Variants in PRKG1 observed in about 807,000 individuals in gnomAD.
PRKG1 encodes the protein protein kinase cGMP-dependent 1, also known as cGMP-dependent protein kinase 1.
In PRKG1, 35 loss-of-function variants were observed where a neutral mutation model predicts 88.1. That is an observed-to-expected ratio of 0.40 (90% CI 0.30 to 0.53). The LOEUF (loss-of-function observed/expected upper bound fraction) is 0.53, where lower values mean the gene tolerates loss of function less well. Ranked by LOEUF, PRKG1 falls within the 20% of genes least tolerant of loss-of-function variation. The pLI, the probability that PRKG1 is intolerant of heterozygous loss-of-function variation, is 0.59. For synonymous variants in PRKG1, 303 were observed against 292.5 expected (o/e 1.04, Z -0.37); for missense variants, 540 against 839.8 (o/e 0.64, Z 4.41).
At chr10:51,374,839 G>A (rs1842786116) in intron 2 of PRKG1, among the ~76,000 whole-genome samples, 1 of 152,220 alleles carries the variant, frequency 6.6e-6, no homozygotes, top group Non-Finnish European at 1.5e-5. Context: ...TCACGTGAGT[G>A]TTGGCAGGAT....
At chr10:51,421,184 G>T (rs1175162757) in intron 2 of PRKG1, among the ~76,000 whole-genome samples, 2 of 152,022 alleles carry the variant, frequency 1.3e-5, no homozygotes, top group African/African-American at 4.8e-5. Context: ...TTGTTTGTTT[G>T]TTTTAGAAAC....
chr10:51,598,526 G>T (rs772492617), intron 3 of PRKG1, among the ~76,000 whole-genome samples: 3 of 152,174 alleles, frequency 2.0e-5, no homozygotes, highest in Non-Finnish European at 2.9e-5. Context: ...CTAGAGTGCT[G>T]GAATTATAGG....
chr10:51,562,970 G>A (rs1468626667), intron 3 of PRKG1, among the ~76,000 whole-genome samples: 2 of 138,518 alleles, frequency 1.4e-5, no homozygotes, highest in South Asian at 2.4e-4. Flanking sequence ...TTTAAAGACA[G>A]GGTCTCATTA....
At chr10:52,223,717 AT>A (rs1288290527) in intron 9 of PRKG1, among the ~76,000 whole-genome samples, 1 of 152,160 alleles carries the variant, frequency 6.6e-6, no homozygotes, top group African/African-American at 2.4e-5. Context: ...ACCCTAAAAT[AT>A]CAAAACTGAA....
At chr10:51,498,226 A>G in intron 3 of PRKG1, among the ~76,000 whole-genome samples, 1 of 152,216 alleles carries the variant, frequency 6.6e-6, no homozygotes, top group East Asian at 1.9e-4. Context: ...TCAAAGTCTA[A>G]TTATTTAGCA....
At chr10:51,686,904 T>G (rs1250265561) in intron 3 of PRKG1, among the ~76,000 whole-genome samples, 2 of 151,992 alleles carry the variant, frequency 1.3e-5, no homozygotes, top group Non-Finnish European at 2.9e-5. Context: ...CCCGGCTAAT[T>G]TTTTGTATTT....
chr10:51,675,716 T>C (rs1257153498), intron 3 of PRKG1, among the ~76,000 whole-genome samples: 1 of 152,218 alleles, frequency 6.6e-6, no homozygotes. Flanking sequence ...ATTTTGCTAA[T>C]TTGGATACAT....
intron 7 of PRKG1, among the ~76,000 whole-genome samples, chr10:52,068,138 G>A (rs1477726220): frequency 1.0e-5 from 1 of 99,920 alleles, no homozygotes; most frequent in Admixed American, 1.1e-4. Context: ...GGGAGGCGGA[G>A]CTTGCAGTGA....
chr10:51,754,083 T>A (rs1837796043), intron 3 of PRKG1, among the ~76,000 whole-genome samples: 1 of 152,166 alleles, frequency 6.6e-6, no homozygotes, highest in African/African-American at 2.4e-5. Flanking sequence ...TTCTGGGCTG[T>A]CATCTCTGTG....
intron 2 of PRKG1, among the ~76,000 whole-genome samples, chr10:51,262,836 A>C (rs1167762155): frequency 6.6e-6 from 1 of 152,158 alleles, no homozygotes; most frequent in Non-Finnish European, 1.5e-5. Flanking sequence ...CACAATCACT[A>C]AAATAACAAG....
intron 3 of PRKG1, among the ~76,000 whole-genome samples, chr10:51,691,203 A>G (rs1841133082): frequency 6.6e-6 from 1 of 151,046 alleles, no homozygotes; most frequent in Non-Finnish European, 1.5e-5. Flanking sequence ...AAAAAAATGC[A>G]TCAAGATTTT....
At chr10:50,996,657 T>C (rs1842839886) in intron 1 of PRKG1, among the ~76,000 whole-genome samples, 1 of 152,208 alleles carries the variant, frequency 6.6e-6, no homozygotes, top group South Asian at 2.1e-4. Context: ...AGGCAGGGCA[T>C]ATGATAATAC....
intron 2 of PRKG1, among the ~76,000 whole-genome samples, chr10:51,241,021 G>T (rs1839138221): frequency 6.6e-6 from 1 of 152,102 alleles, no homozygotes; most frequent in South Asian, 2.1e-4. Context: ...CACTCCTTGA[G>T]CTGGGTGCTT....
intron 3 of PRKG1, among the ~76,000 whole-genome samples, chr10:51,776,546 C>T (rs886968416): frequency 2.6e-5 from 4 of 151,980 alleles, no homozygotes; most frequent in African/African-American, 7.3e-5. Flanking sequence ...AAATATAGGC[C>T]GGGCATGGTG....
chr10:51,658,844 C>T (rs1460877520), intron 3 of PRKG1, among the ~76,000 whole-genome samples: 1 of 152,062 alleles, frequency 6.6e-6, no homozygotes, highest in East Asian at 1.9e-4. Context: ...TTTCCCAGGA[C>T]ACATTTATTT....
intron 3 of PRKG1, among the ~76,000 whole-genome samples, chr10:51,730,110 C>G (rs1589239297): frequency 6.6e-6 from 1 of 152,072 alleles, no homozygotes; most frequent in South Asian, 2.1e-4. Flanking sequence ...AAAAGAACTC[C>G]CTTGTGGTGA....
At chr10:52,148,129 C>T (rs981617015) in intron 8 of PRKG1, among the ~76,000 whole-genome samples, 1 of 152,186 alleles carries the variant, frequency 6.6e-6, no homozygotes, top group African/African-American at 2.4e-5. Context: ...AGATCACTTT[C>T]CAGCTATGTG....
intron 1 of PRKG1, among the ~76,000 whole-genome samples, chr10:51,054,149 C>A (rs1006301483): frequency 2.0e-5 from 3 of 151,882 alleles, no homozygotes; most frequent in African/African-American, 7.3e-5. Context: ...TTAAACTAAA[C>A]CTCATCTTGA....
At chr10:52,118,377 T>G (rs1274062189) in intron 7 of PRKG1, among the ~76,000 whole-genome samples, 2 of 151,998 alleles carry the variant, frequency 1.3e-5, no homozygotes, top group East Asian at 3.9e-4. Context: ...AAGCTATAAA[T>G]ACTTAAGGAA....
Sources: gnomAD v4.1 joint callset for allele counts (sites outside exome capture counted in the v4.1 genomes callset) on GRCh38, gnomAD v4.1.1 for gene constraint, MANE v1.5 for transcripts, NCBI Gene and HGNC (gene_info 2026-07-23, HGNC 2026-07-21) for gene names.